KIRREL3: variants seen among roughly 807,000 people sequenced by gnomAD.
KIRREL3 encodes kin of IRRE-like protein 3.
Under a neutral mutation model 89.7 loss-of-function variants are expected in KIRREL3, and 36 were observed. That is an observed-to-expected ratio of 0.40 (90% confidence interval 0.31 to 0.53). KIRREL3 has a LOEUF of 0.53. KIRREL3 is among the 20% of genes least tolerant of loss of function. KIRREL3 has a pLI of 0.49. For missense variants in KIRREL3, 864 were observed against 1,056.6 expected, an observed-to-expected ratio of 0.82 and a Z score of 2.53; for synonymous variants, 445 against 441.4, an observed-to-expected ratio of 1.01 and a Z score of -0.10.
At chr11:126,680,312 G>A (rs1012833916) in intron 1 of KIRREL3, among the ~76,000 whole-genome samples, 1 of 152,074 alleles carries the variant, frequency 6.6e-6, no homozygotes, top group Non-Finnish European at 1.5e-5. Context: ...TCTTGGAAAC[G>A]TGCCAGCTAA....
chr11:126,864,911 T>C (rs535865493), intron 1 of KIRREL3, among the ~76,000 whole-genome samples: 2 of 152,164 alleles, frequency 1.3e-5, no homozygotes, highest in Non-Finnish European at 2.9e-5. Context: ...CACCTGCCTG[T>C]TTTCCTACTG....
chr11:126,849,985 C>T (rs915987596), intron 1 of KIRREL3, among the ~76,000 whole-genome samples: 2 of 152,160 alleles, frequency 1.3e-5, no homozygotes, highest in African/African-American at 4.8e-5. Context: ...GACCGGCATA[C>T]ATTGTATTCA....
At chr11:126,998,440 T>C (rs958952095) in intron 1 of KIRREL3, among the ~76,000 whole-genome samples, 1 of 152,128 alleles carries the variant, frequency 6.6e-6, no homozygotes, top group Non-Finnish European at 1.5e-5. Context: ...TTTTCCAGCC[T>C]CTGGACCAGG....
At position 126,912,721 on chromosome 11, in the gene KIRREL3, CAG is replaced by C. The variant is rs772148474; in HGVS notation, c.55+87732_55+87733del. ...TCTTTGTTTCAAATGTGAGGCACAA[CAG>C]AGCATCCTGCTGTATCAGCCTAATT... On this transcript the variant is annotated intron_variant, in intron 1 of 16. Transcript: ENST00000525144. This position sits in a 1 kb window ranked among gnomAD's most constrained non-coding sequence, Gnocchi z 4.7. 6.6e-6 allele frequency among the ~76,000 whole-genome samples: 1 copy of C among 152,220 alleles called. No homozygotes were observed. Among genetic ancestry groups the C allele is most frequent in the Non-Finnish European group, 1.5e-5 (1 of 68,046 alleles).
chr11:126,493,944 G>A (rs1190281543), intron 4 of KIRREL3, among the ~76,000 whole-genome samples: 1 of 152,212 alleles, frequency 6.6e-6, no homozygotes, highest in African/African-American at 2.4e-5. Context: ...GCTGGAATTA[G>A]TGGGGAGGTG....
At chr11:126,804,150 C>T (rs960900602) in intron 1 of KIRREL3, among the ~76,000 whole-genome samples, 42 of 152,182 alleles carry the variant, frequency 2.8e-4, no homozygotes, top group African/African-American at 9.9e-4. Flanking sequence ...ATATCCCAGT[C>T]AATGGCCAGC....
rs962179332 is a variant in KIRREL3, at chr11:126,495,545, T to C, written c.434-22079A>G. On this transcript the variant is annotated intron_variant, in intron 4 of 16. Coordinates refer to ENST00000525144, the MANE Select transcript of KIRREL3 (RefSeq NM_032531.4). The surrounding 1 kb of genome is among the most constrained non-coding windows in gnomAD (Gnocchi z 6.5). ...TGTTGCTAGGAATGAGGGCCTGAGT[T>C]ATTGTTTATACCTGGCCTTCCTCCT... Among the ~76,000 whole-genome samples, 32 of 152,232 alleles carry C rather than the reference T, an allele frequency of 2.1e-4. No individual in the cohort carries two copies. Among genetic ancestry groups the C allele is most frequent in the African/African-American group, 7.0e-4 (29 of 41,542 alleles).
chr11:126,450,134 G>A (rs1293173425), intron 7 of KIRREL3, among the ~76,000 whole-genome samples: 1 of 152,190 alleles, frequency 6.6e-6, no homozygotes, highest in African/African-American at 2.4e-5. Context: ...GCCTCACAGG[G>A]GTGTATGTGT....
Position 126,551,836 on chromosome 11 carries a change from G to A in KIRREL3, c.133+10999C>T, listed in dbSNP as rs1186705552. On this transcript the variant is annotated intron_variant, in intron 2 of 16. Transcript: ENST00000525144. This position sits in a 1 kb window ranked among gnomAD's most constrained non-coding sequence, Gnocchi z 4.9. ...AATTTTTGTATTTTTAGTAGAGATG[G>A]GGTTTCACCATGTTAGTCAGGCTGG... 6.6e-6 allele frequency among the ~76,000 whole-genome samples: 1 copy of A among 152,140 alleles called. No individual in the cohort carries two copies. The highest frequency in any genetic ancestry group is 2.4e-5 in the African/African-American group (1 of 41,444).
At chr11:126,726,161 A>G (rs1948371436) in intron 1 of KIRREL3, among the ~76,000 whole-genome samples, 1 of 152,116 alleles carries the variant, frequency 6.6e-6, no homozygotes, top group South Asian at 2.1e-4. Flanking sequence ...GCTCCACTGA[A>G]CCCAGCTTGA....
intron 1 of KIRREL3, among the ~76,000 whole-genome samples, chr11:126,950,504 A>T (rs1948748012): frequency 6.6e-6 from 1 of 152,162 alleles, no homozygotes; most frequent in Admixed American, 6.5e-5. Context: ...TACCTAACTC[A>T]TTACTTATCT....
chr11:126,847,935 A>AT (rs1944204153), intron 1 of KIRREL3, among the ~76,000 whole-genome samples: 1 of 152,184 alleles, frequency 6.6e-6, no homozygotes, highest in Non-Finnish European at 1.5e-5. Context: ...GAAACTGGTT[A>AT]TTTTACCATG....
At chr11:126,440,190 C>A (rs779210786) in intron 11 of KIRREL3, 1 of 676,938 alleles carries the variant, frequency 1.5e-6, no homozygotes, top group Non-Finnish European at 2.7e-6. Context: ...CCTTAGGATG[C>A]GGAATTTGGT....
chr11:126,947,460 G>T (rs776031058), intron 1 of KIRREL3, among the ~76,000 whole-genome samples: 8 of 152,198 alleles, frequency 5.3e-5, no homozygotes, highest in Non-Finnish European at 1.0e-4. Context: ...TTTCAATGAA[G>T]CTGGAAGTGT....
In KIRREL3 at chr11:126,471,631, G is replaced by C. The variant is rs2134277846; in HGVS notation, c.591+1678C>G. The stretch of plus-strand genomic sequence containing the variant: ...AATTTCCCTGGGCCCTGAGCTGTAG[G>C]GGTGGTCTGATGTGTGGCCCTGGGG... On this transcript the variant is annotated intron_variant, in intron 5 of 16. Transcript: ENST00000525144. The surrounding 1 kb of genome is among the most constrained non-coding windows in gnomAD (Gnocchi z 5.4). Among the ~76,000 whole-genome samples the C allele has an allele frequency of 6.6e-6, 1 of 151,786 alleles. No individual in the cohort carries two copies. Among genetic ancestry groups the C allele is most frequent in the Middle Eastern group, 3.4e-3 (1 of 290 alleles).
chr11:126,966,919 T>G (rs1388624230), intron 1 of KIRREL3, among the ~76,000 whole-genome samples: 1 of 152,172 alleles, frequency 6.6e-6, no homozygotes, highest in African/African-American at 2.4e-5. Flanking sequence ...CAGAAATCTG[T>G]AAATTAAATA....
chr11:126,446,209 G>A (rs1187838811), intron 9 of KIRREL3, among the ~76,000 whole-genome samples: 4 of 151,356 alleles, frequency 2.6e-5, no homozygotes, highest in East Asian at 1.9e-4. Context: ...CAAGGCTAAC[G>A]GTGGCTTTAT....
intron 1 of KIRREL3, among the ~76,000 whole-genome samples, chr11:126,690,275 C>A (rs946777294): frequency 6.6e-6 from 1 of 152,178 alleles, no homozygotes; most frequent in African/African-American, 2.4e-5. Flanking sequence ...AAACCCACAC[C>A]CCAGCAGGGA....
In KIRREL3 at chr11:126,687,078, CA is replaced by C. The variant is rs1409092042; in HGVS notation, c.56-124167del. On this transcript the variant is annotated intron_variant, in intron 1 of 16. Transcript: ENST00000525144. The surrounding 1 kb of genome is among the most constrained non-coding windows in gnomAD (Gnocchi z 4.6). ...TTGCAAGTGTGGTTGGGGCCAAGAC[CA>C]CAACACGTGTTCAAGGTATGTCTAA... is the stretch of plus-strand genomic sequence containing the variant. Among the ~76,000 whole-genome samples the C allele has an allele frequency of 6.6e-6, 1 of 152,090 alleles. No homozygotes were observed. The highest frequency in any genetic ancestry group is 2.4e-5 in the African/African-American group (1 of 41,396).
Sources: allele counts gnomAD v4.1 joint callset (sites outside exome capture counted in the v4.1 genomes callset), GRCh38; gene constraint gnomAD v4.1.1; non-coding constraint Gnocchi (gnomAD v3.1); transcripts MANE v1.5; gene names NCBI Gene and HGNC (gene_info 2026-07-23, HGNC 2026-07-21).